The following PTPRN2 variants were observed in gnomAD, a reference collection of about 807,000 sequenced individuals.
PTPRN2 encodes receptor-type tyrosine-protein phosphatase N2.
In PTPRN2, 74 loss-of-function variants were observed where a neutral mutation model predicts 118.8. The ratio of observed to expected loss-of-function variants is 0.62; its 90% CI spans 0.52 to 0.76. The LOEUF (loss-of-function observed/expected upper bound fraction) is 0.76. Among genes scored for constraint, PTPRN2 ranks in the 30% least tolerant of loss-of-function variants. The probability of loss-of-function intolerance (pLI) is 0.00; values close to 1 mark genes in which losing one functional copy is unlikely to be tolerated. For missense variants in PTPRN2, 1,481 were observed against 1,394.4 expected (o/e 1.06, Z -0.99); for synonymous variants, 641 against 608.0 (o/e 1.05, Z -0.80).
At chr7:158,406,257 G>A (rs1353978201) in intron 2 of PTPRN2, among the ~76,000 whole-genome samples, 4 of 133,220 alleles carry the variant, frequency 3.0e-5, no homozygotes, top group South Asian at 2.7e-4. Flanking sequence ...TGGCTCATCC[G>A]TGAGACATTT....
intron 12 of PTPRN2, among the ~76,000 whole-genome samples, chr7:157,742,009 G>A (rs762117684): frequency 2.0e-5 from 3 of 152,194 alleles, no homozygotes; most frequent in South Asian, 2.1e-4. Context: ...TCTGACCAGC[G>A]CTCTTTCTGT....
chr7:158,365,641 G>A (rs539663655), intron 2 of PTPRN2, among the ~76,000 whole-genome samples: 22 of 142,380 alleles, frequency 1.5e-4, no homozygotes, highest in Non-Finnish European at 2.8e-4. Flanking sequence ...GGGAGAAGCC[G>A]CAGCCCAATG....
intron 11 of PTPRN2, among the ~76,000 whole-genome samples, chr7:158,064,969 A>G (rs1311513159): frequency 1.3e-5 from 2 of 152,236 alleles, no homozygotes; most frequent in African/African-American, 4.8e-5. Context: ...ATAAACACTC[A>G]GCTTAATAAA....
chr7:157,832,037 G>A (rs1003818456), intron 12 of PTPRN2, among the ~76,000 whole-genome samples: 7 of 152,150 alleles, frequency 4.6e-5, no homozygotes, highest in Admixed American at 3.3e-4. Context: ...TGGCACCTCC[G>A]CTAATTCTCC....
chr7:158,317,429 G>A (rs753496052), intron 2 of PTPRN2, among the ~76,000 whole-genome samples: 10 of 152,224 alleles, frequency 6.6e-5, no homozygotes, highest in African/African-American at 1.4e-4. Context: ...GCTCCTTTCC[G>A]GCGGCGCAGG....
intron 5 of PTPRN2, among the ~76,000 whole-genome samples, chr7:158,186,672 G>C (rs981212571): frequency 8.6e-5 from 13 of 150,472 alleles, no homozygotes; most frequent in Non-Finnish European, 1.5e-4. Flanking sequence ...GCGCGCCTGG[G>C]CCTACCTGCC....
chr7:158,473,444 C>T (rs946512891), intron 2 of PTPRN2, among the ~76,000 whole-genome samples: 6 of 152,180 alleles, frequency 3.9e-5, no homozygotes, highest in South Asian at 4.1e-4. Flanking sequence ...AGCCTCTGCA[C>T]GGCCTCTGCT....
chr7:157,580,456 C>CCAGCACCTGCACACCA (rs1563230671), intron 17 of PTPRN2, among the ~76,000 whole-genome samples: 14 of 150,380 alleles, frequency 9.3e-5, no homozygotes, highest in African/African-American at 3.5e-4. Flanking sequence ...CCTGCACACC[C>CCAGCACCTGCACACCA]CAGCACCTGC....
chr7:158,274,258 C>T (rs1479972795), intron 3 of PTPRN2, among the ~76,000 whole-genome samples: 1 of 128,980 alleles, frequency 7.8e-6, no homozygotes, highest in African/African-American at 3.1e-5. Context: ...GCCGCAGACA[C>T]GGGGAGCCGC....
chr7:158,548,348 C>G (rs1420242118), intron 1 of PTPRN2, among the ~76,000 whole-genome samples: 1 of 152,208 alleles, frequency 6.6e-6, no homozygotes, highest in East Asian at 1.9e-4. Context: ...CCATGCACTG[C>G]CACCGAGGTC....
At chr7:157,775,531 C>T (rs1051278949) in intron 12 of PTPRN2, among the ~76,000 whole-genome samples, 3 of 152,220 alleles carry the variant, frequency 2.0e-5, no homozygotes, top group Admixed American at 6.5e-5. Context: ...AGGAGAGGAG[C>T]GTGGAGCACG....
At chr7:157,775,604 A>G (rs1259346590) in intron 12 of PTPRN2, among the ~76,000 whole-genome samples, 1 of 152,192 alleles carries the variant, frequency 6.6e-6, no homozygotes, top group Non-Finnish European at 1.5e-5. Flanking sequence ...CGGCGCTCAC[A>G]TGCAGGGAGT....
intron 10 of PTPRN2, among the ~76,000 whole-genome samples, chr7:158,094,674 A>G (rs1276310241): frequency 6.6e-6 from 1 of 152,206 alleles, no homozygotes; most frequent in African/African-American, 2.4e-5. Flanking sequence ...ACACAAACAC[A>G]TGACTGAATT....
intron 1 of PTPRN2, among the ~76,000 whole-genome samples, chr7:158,534,267 G>A (rs1264206120): frequency 1.4e-4 from 21 of 147,452 alleles, no homozygotes; most frequent in South Asian, 2.2e-4. Context: ...CCCACGCCCC[G>A]GGCTCCGTCA....
At chr7:157,645,393 C>T (rs1209880722) in intron 14 of PTPRN2, among the ~76,000 whole-genome samples, 1 of 152,196 alleles carries the variant, frequency 6.6e-6, no homozygotes, top group Non-Finnish European at 1.5e-5. Flanking sequence ...GACAGAGGTA[C>T]CATGTCTATG....
chr7:158,086,115 T>G (rs558640565), intron 10 of PTPRN2, among the ~76,000 whole-genome samples: 8 of 152,314 alleles, frequency 5.3e-5, no homozygotes, highest in Middle Eastern at 3.4e-3. Context: ...CACCAGGCGC[T>G]CCTTACACAG....
chr7:158,395,656 A>T (rs1586565219), intron 2 of PTPRN2, among the ~76,000 whole-genome samples: 1 of 77,078 alleles, frequency 1.3e-5, no homozygotes, highest in African/African-American at 5.6e-5. Flanking sequence ...GCGAGGGGAG[A>T]GGGGCGAGGG....
In PTPRN2 at chr7:157,988,049, C is replaced by G. The variant is rs1416503487; in HGVS notation, c.1724-89312G>C. 3.3e-5 allele frequency among the ~76,000 whole-genome samples: 5 copies of G among 152,192 alleles called. No individual in the cohort carries two copies. In the South Asian group the frequency reaches 8.3e-4, roughly 25 times the overall value. ...GGGGACCGGAGTCCTCACCACTCCC[C>G]CTTTTGTCTTCTCCAAGCCAGGGTC... On this transcript the variant is annotated intron_variant, in intron 11 of 22. Coordinates refer to ENST00000389418, the MANE Select transcript of PTPRN2 (RefSeq NM_002847.5).
At chr7:158,411,724 C>G (rs567749187) in intron 2 of PTPRN2, among the ~76,000 whole-genome samples, 1 of 152,236 alleles carries the variant, frequency 6.6e-6, no homozygotes, top group Non-Finnish European at 1.5e-5. Flanking sequence ...CACTCACACC[C>G]GCCTCAGATG....
Sources: gnomAD v4.1 joint callset for allele counts (sites outside exome capture counted in the v4.1 genomes callset) on GRCh38, gnomAD v4.1.1 for gene constraint, MANE v1.5 for transcripts, NCBI Gene and HGNC (gene_info 2026-07-23, HGNC 2026-07-21) for gene names.